SLC25A21: variants seen among roughly 807,000 people sequenced by gnomAD.
SLC25A21 encodes solute carrier family 25 member 21.
In SLC25A21, 47 loss-of-function variants were observed where a neutral mutation model predicts 43.8. The observed-to-expected ratio is 1.07, with a 90% CI of 0.85 to 1.37. The LOEUF (loss-of-function observed/expected upper bound fraction) is 1.37. Ranked by LOEUF, SLC25A21 falls within the 40% of genes most tolerant of loss-of-function variation. The pLI, the probability that SLC25A21 is intolerant of heterozygous loss-of-function variation, is 0.00. For missense variants in SLC25A21, 352 were observed against 350.2 expected (o/e 1.00, Z -0.04); for synonymous variants, 131 against 121.3 (o/e 1.08, Z -0.52).
Position 36,712,381 on chromosome 14 carries a change from C to G in SLC25A21, c.439-899G>C, listed in dbSNP as rs570767878. On this transcript the variant is annotated intron_variant, in intron 6 of 9. Transcript: ENST00000331299. ...TTTTTTTCCACCCATGAGGCACACACTGACATGACATTTGTTTGATATTTC... is the reference window on the plus strand; with the variant it reads ...TTTTTTTCCACCCATGAGGCACACAGTGACATGACATTTGTTTGATATTTC... Among the ~76,000 whole-genome samples, 9 of 151,720 alleles carry G rather than the reference C, an allele frequency of 5.9e-5. No individual in the cohort carries two copies. The South Asian group carries it at 6.3e-4, about 11-fold the overall frequency.
At chr14:37,119,474 T>C (rs1196564594) in intron 1 of SLC25A21, among the ~76,000 whole-genome samples, 1 of 152,028 alleles carries the variant, frequency 6.6e-6, no homozygotes, top group Non-Finnish European at 1.5e-5. Context: ...GGAGAATTGC[T>C]TGAACCTGGG....
At chr14:36,863,316 G>C (rs1265497180) in intron 2 of SLC25A21, among the ~76,000 whole-genome samples, 1 of 151,992 alleles carries the variant, frequency 6.6e-6, no homozygotes, top group Non-Finnish European at 1.5e-5. Context: ...TATTAGCTAA[G>C]GGAGAGTCTT....
chr14:37,064,414 G>T (rs1962015238), intron 1 of SLC25A21, among the ~76,000 whole-genome samples: 2 of 149,762 alleles, frequency 1.3e-5, no homozygotes, highest in South Asian at 4.2e-4. Flanking sequence ...AAATTCTCTT[G>T]TCTCTCTCTC....
At chr14:36,810,524 C>T (rs1243886289) in intron 3 of SLC25A21, among the ~76,000 whole-genome samples, 3 of 152,070 alleles carry the variant, frequency 2.0e-5, no homozygotes, top group Admixed American at 2.0e-4. Flanking sequence ...ATTTAGGTAC[C>T]ACATCACCAG....
chr14:37,096,835 C>T (rs1179470506), intron 1 of SLC25A21, among the ~76,000 whole-genome samples: 2 of 152,128 alleles, frequency 1.3e-5, no homozygotes, highest in South Asian at 2.1e-4. Flanking sequence ...TCTGAGAGGT[C>T]TCATATCTCT....
At chr14:36,743,985 A>G (rs1441778031) in intron 3 of SLC25A21, among the ~76,000 whole-genome samples, 2 of 152,182 alleles carry the variant, frequency 1.3e-5, no homozygotes, top group African/African-American at 4.8e-5. Context: ...TTCTACAAGG[A>G]GTATTTGTAC....
At chr14:36,733,690 G>A (rs916083205) in intron 4 of SLC25A21, among the ~76,000 whole-genome samples, 1 of 152,144 alleles carries the variant, frequency 6.6e-6, no homozygotes, top group Non-Finnish European at 1.5e-5. Context: ...ATGTTGCTTG[G>A]AAAGTAAGTC....
At chr14:36,800,691 G>A (rs1417706780) in intron 3 of SLC25A21, among the ~76,000 whole-genome samples, 4 of 152,008 alleles carry the variant, frequency 2.6e-5, no homozygotes, top group Non-Finnish European at 5.9e-5. Context: ...TTTACTTAGG[G>A]CCACTGAACT....
chr14:36,814,213 G>GA (rs529416417), intron 2 of SLC25A21, among the ~76,000 whole-genome samples: 3 of 151,920 alleles, frequency 2.0e-5, no homozygotes, highest in Middle Eastern at 3.4e-3. Flanking sequence ...GAAATCTATA[G>GA]AAAAAAAATG....
chr14:36,995,529 C>T (rs1004651153), intron 1 of SLC25A21, among the ~76,000 whole-genome samples: 1 of 152,190 alleles, frequency 6.6e-6, no homozygotes, highest in African/African-American at 2.4e-5. Flanking sequence ...ACCTGCTTTT[C>T]ATCAATCTAT....
intron 2 of SLC25A21, among the ~76,000 whole-genome samples, chr14:36,874,305 A>G (rs1890455826): frequency 6.6e-6 from 1 of 152,260 alleles, no homozygotes; most frequent in South Asian, 2.1e-4. Flanking sequence ...CTAGACTCCA[A>G]GAGCTTCCAA....
intron 1 of SLC25A21, among the ~76,000 whole-genome samples, chr14:36,875,746 G>A (rs143305438): frequency 2.1e-3 from 322 of 152,262 alleles, no homozygotes; most frequent in African/African-American, 7.5e-3. Context: ...CTTAACCATT[G>A]CTCAGTGAAA....
intron 1 of SLC25A21, among the ~76,000 whole-genome samples, chr14:36,896,518 T>C (rs570200286): frequency 1.3e-4 from 20 of 152,342 alleles, no homozygotes; most frequent in Middle Eastern, 3.4e-3. Context: ...TGTCTTTTAA[T>C]TGGAGCATTT....
chr14:36,700,909 G>A (rs375954206), intron 7 of SLC25A21, among the ~76,000 whole-genome samples: 5 of 152,300 alleles, frequency 3.3e-5, no homozygotes, highest in East Asian at 3.9e-4. Flanking sequence ...TGGGTATGGT[G>A]GTCATGAAAA....
chr14:36,797,163 CA>C (rs1941492899), intron 3 of SLC25A21, among the ~76,000 whole-genome samples: 1 of 152,098 alleles, frequency 6.6e-6, no homozygotes, highest in Admixed American at 6.6e-5. Context: ...CATCAAATTT[CA>C]AAATATTAAA....
At chr14:36,771,866 C>T (rs1886632410) in intron 3 of SLC25A21, among the ~76,000 whole-genome samples, 1 of 151,828 alleles carries the variant, frequency 6.6e-6, no homozygotes, top group South Asian at 2.1e-4. Context: ...TACAAAAAAA[C>T]TCCATCTTCT....
intron 3 of SLC25A21, among the ~76,000 whole-genome samples, chr14:36,736,436 A>C (rs1219252638): frequency 2.0e-5 from 3 of 152,212 alleles, no homozygotes; most frequent in Non-Finnish European, 4.4e-5. Context: ...TTCTCATTTA[A>C]ATTTCATTAT....
intron 3 of SLC25A21, among the ~76,000 whole-genome samples, chr14:36,778,787 T>G (rs922612264): frequency 3.3e-5 from 5 of 152,210 alleles, no homozygotes; most frequent in African/African-American, 1.2e-4. Context: ...TCAAGTTAAT[T>G]AACATATTCT....
chr14:37,017,623 A>T (rs1218683400), intron 1 of SLC25A21, among the ~76,000 whole-genome samples: 1 of 152,102 alleles, frequency 6.6e-6, no homozygotes, highest in Non-Finnish European at 1.5e-5. Flanking sequence ...GCAATCCTTC[A>T]TTAGTAAAAA....
Sources: allele counts gnomAD v4.1 joint callset (sites outside exome capture counted in the v4.1 genomes callset), GRCh38; gene constraint gnomAD v4.1.1; transcripts MANE v1.5; gene names NCBI Gene and HGNC (gene_info 2026-07-23, HGNC 2026-07-21).